DSCAM: variants seen among roughly 807,000 people sequenced by gnomAD.
The protein encoded by DSCAM is DS cell adhesion molecule.
DSCAM carries 47 observed loss-of-function variants against 217.7 expected under a neutral mutation model. That is an observed-to-expected ratio of 0.22 (90% CI 0.17 to 0.28). DSCAM has a LOEUF of 0.28. Ranked by LOEUF, DSCAM falls within the 10% of genes least tolerant of loss-of-function variation. DSCAM has a pLI of 1.00. For synonymous variants in DSCAM, 1,056 were observed against 1,015.3 expected, an observed-to-expected ratio of 1.04 and a Z score of -0.76; for missense variants, 2,080 against 2,618.3, an observed-to-expected ratio of 0.79 and a Z score of 4.49.
At chr21:40,411,553 T>C (rs182034855) in intron 3 of DSCAM, among the ~76,000 whole-genome samples, 11 of 152,030 alleles carry the variant, frequency 7.2e-5, no homozygotes, top group Admixed American at 2.0e-4. Flanking sequence ...AGTTAAGTCA[T>C]AGAAAGGTTA....
intron 1 of DSCAM, among the ~76,000 whole-genome samples, chr21:40,772,129 T>A (rs2091450534): frequency 1.3e-5 from 2 of 152,234 alleles, no homozygotes; most frequent in African/African-American, 4.8e-5. Context: ...CTTCTGTTTT[T>A]AAATGTTTTG....
intron 3 of DSCAM, among the ~76,000 whole-genome samples, chr21:40,562,166 T>G: frequency 6.6e-6 from 1 of 152,148 alleles, no homozygotes; most frequent in Non-Finnish European, 1.5e-5. Flanking sequence ...TTGACTGTAA[T>G]CCCCAGGTGT....
chr21:40,485,121 A>T (rs888754603), intron 3 of DSCAM, among the ~76,000 whole-genome samples: 5 of 151,950 alleles, frequency 3.3e-5, no homozygotes, highest in African/African-American at 1.2e-4. Context: ...CTGACAACAC[A>T]AGACTCACTG....
chr21:40,067,853 A>G (rs1243049344), intron 27 of DSCAM, among the ~76,000 whole-genome samples: 1 of 151,104 alleles, frequency 6.6e-6, no homozygotes, highest in Non-Finnish European at 1.5e-5. Flanking sequence ...CACATCAAGC[A>G]AAGCAGATGC....
At chr21:40,483,921 T>G (rs2076003614) in intron 3 of DSCAM, among the ~76,000 whole-genome samples, 1 of 152,248 alleles carries the variant, frequency 6.6e-6, no homozygotes, top group African/African-American at 2.4e-5. Flanking sequence ...AATCACTTCT[T>G]TCCTTACCAA....
chr21:40,164,350 T>C lies in DSCAM; in HGVS notation c.3018+2868A>G, dbSNP rs578258863. ...TGACACTTGTGGACTGCTGCTTGGG[T>C]AGGTATCCCTGGGAAGGCGAGGCAA... On this transcript the variant is annotated intron_variant, in intron 16 of 32. Transcript: ENST00000400454. Among the ~76,000 whole-genome samples the C allele has an allele frequency of 7.9e-5, 12 of 152,176 alleles. No homozygotes were observed. The South Asian group carries it at 2.5e-3, about 32-fold the overall frequency.
intron 3 of DSCAM, among the ~76,000 whole-genome samples, chr21:40,655,989 T>C (rs1601826092): frequency 1.3e-5 from 2 of 151,844 alleles, no homozygotes; most frequent in East Asian, 3.9e-4. Flanking sequence ...GAGGTGGAGG[T>C]TGCAGTGAGC....
intron 17 of DSCAM, among the ~76,000 whole-genome samples, chr21:40,143,061 A>G (rs969409694): frequency 6.6e-6 from 1 of 152,194 alleles, no homozygotes; most frequent in Non-Finnish European, 1.5e-5. Context: ...TACTCTTGGA[A>G]GTTACTTCTT....
intron 3 of DSCAM, among the ~76,000 whole-genome samples, chr21:40,551,618 C>A (rs1044291779): frequency 1.3e-5 from 2 of 152,104 alleles, no homozygotes; most frequent in Admixed American, 6.5e-5. Context: ...ATTTCCCCCA[C>A]AAAAGACAGC....
intron 3 of DSCAM, among the ~76,000 whole-genome samples, chr21:40,399,785 T>A (rs1351461230): frequency 6.6e-6 from 1 of 152,248 alleles, no homozygotes; most frequent in African/African-American, 2.4e-5. Flanking sequence ...CTTAAGTGCA[T>A]TATAAACGTT....
intron 3 of DSCAM, among the ~76,000 whole-genome samples, chr21:40,521,941 TTTCAAAACATTAC>T (rs2076362634): frequency 1.3e-5 from 2 of 152,176 alleles, no homozygotes; most frequent in Non-Finnish European, 2.9e-5. Flanking sequence ...CGTATACACG[TTTCAAAACATTAC>T]GTTGTGCCCC....
At chr21:40,749,354 A>T (rs2091205253) in intron 1 of DSCAM, among the ~76,000 whole-genome samples, 1 of 152,206 alleles carries the variant, frequency 6.6e-6, no homozygotes, top group Non-Finnish European at 1.5e-5. Context: ...ATAATATATA[A>T]GGAACTCAAA....
intron 11 of DSCAM, among the ~76,000 whole-genome samples, chr21:40,239,558 G>T (rs1247865638): frequency 2.0e-5 from 3 of 152,188 alleles, no homozygotes; most frequent in African/African-American, 7.2e-5. Context: ...CCAGCATAAG[G>T]TGAATGAGAT....
rs750153687 is a variant in DSCAM, at chr21:40,062,909, G to T, written c.4889-10C>A. On this transcript the variant is annotated splice_polypyrimidine_tract_variant and intron_variant, in intron 27 of 32. Coordinates refer to ENST00000400454, the MANE Select transcript of DSCAM (RefSeq NM_001389.5). ...GCTAAACTCTTTGCATCTGGGGAAA[G>T]AAAGTTAACATTAGTACATGGTAAA... is the stretch of plus-strand genomic sequence containing the variant. 1.3e-6 allele frequency: 2 copies of T among 1,598,704 alleles called. No individual in the cohort carries two copies. Among genetic ancestry groups the T allele is most frequent in the Non-Finnish European group, 1.7e-6 (2 of 1,175,080 alleles).
At chr21:40,407,812 TC>T (rs1397921671) in intron 3 of DSCAM, among the ~76,000 whole-genome samples, 6 of 152,202 alleles carry the variant, frequency 3.9e-5, no homozygotes, top group Non-Finnish European at 7.3e-5. Flanking sequence ...CTGCTTCCTG[TC>T]CCAAAAACTT....
At chr21:40,057,962 G>A (rs918289139) in intron 28 of DSCAM, among the ~76,000 whole-genome samples, 1 of 138,528 alleles carries the variant, frequency 7.2e-6, no homozygotes, top group African/African-American at 2.8e-5. Flanking sequence ...TGCAAGCTCC[G>A]CCTCCCAGGT....
At chr21:40,614,105 T>G (rs1003769739) in intron 3 of DSCAM, among the ~76,000 whole-genome samples, 5 of 152,278 alleles carry the variant, frequency 3.3e-5, no homozygotes, top group Admixed American at 2.0e-4. Context: ...ATCCTGGCAC[T>G]GCCCCCGGGG....
At chr21:40,622,837 A>G (rs1316785235) in intron 3 of DSCAM, among the ~76,000 whole-genome samples, 1 of 151,490 alleles carries the variant, frequency 6.6e-6, no homozygotes, top group Non-Finnish European at 1.5e-5. Context: ...TTTAGAGTTA[A>G]AAGCACTTAA....
chr21:40,497,243 C>A (rs557973073), intron 3 of DSCAM, among the ~76,000 whole-genome samples: 1 of 152,204 alleles, frequency 6.6e-6, no homozygotes, highest in East Asian at 1.9e-4. Context: ...TAGAATCAAC[C>A]TAAGTGTCAA....
Sources: allele counts gnomAD v4.1 joint callset (sites outside exome capture counted in the v4.1 genomes callset), GRCh38; gene constraint gnomAD v4.1.1; transcripts MANE v1.5; gene names NCBI Gene and HGNC (gene_info 2026-07-23, HGNC 2026-07-21).